The following KDM6A variants were observed in gnomAD, a reference collection of about 807,000 sequenced individuals.
KDM6A encodes the protein lysine demethylase 6A.
In KDM6A, 11 loss-of-function variants were observed where a neutral mutation model predicts 117.6. The ratio of observed to expected loss-of-function variants is 0.09; its 90% CI spans 0.06 to 0.15. The LOEUF (loss-of-function observed/expected upper bound fraction) is 0.15. Among genes scored for constraint, KDM6A ranks in the 10% least tolerant of loss-of-function variants. The probability of loss-of-function intolerance (pLI) is 1.00; values close to 1 mark genes in which losing one functional copy is unlikely to be tolerated. For missense variants in KDM6A, 799 were observed against 1,077.3 expected, an observed-to-expected ratio of 0.74 and a Z score of 3.62; for synonymous variants, 384 against 396.1, an observed-to-expected ratio of 0.97 and a Z score of 0.36.
chrX:44,958,604 C>CTTTTTTTTTTTTTTTTTTTTTTTTTTTT lies in KDM6A; in HGVS notation c.226-2655_226-2654insTTTTTTTTTTTTTTTTTTTTTTTTTTTT, dbSNP rs34006049. 7.1e-5 allele frequency among the ~76,000 whole-genome samples: 4 copies of CTTTTTTTTTTTTTTTTTTTTTTTTTTTT among 56,453 alleles called. 1 individual carries two copies. The highest frequency in any genetic ancestry group is 4.1e-4 in the African/African-American group (4 of 9,857). The allele number at this position is 56,453 out of a possible 115,157, so 49.0% of individuals were successfully genotyped here. A position where few individuals can be genotyped will look rare whatever the true frequency, so the allele number is the denominator to read the frequency against. On this transcript the variant is annotated intron_variant, in intron 2 of 29. Coordinates refer to ENST00000611820, the MANE Select transcript of KDM6A (RefSeq NM_001291415.2). ...TTCTGTGTGGGACAACTATATAGAC[C>CTTTTTTTTTTTTTTTTTTTTTTTTTTTT]TTTTTTTTTTTTTTTTTTTTTTTTT...
intron 2 of KDM6A, among the ~76,000 whole-genome samples, chrX:44,886,284 G>A (rs192672361): frequency 9.1e-6 from 1 of 110,436 alleles, no homozygotes; most frequent in East Asian, 2.9e-4. Flanking sequence ...CCCTGACCTT[G>A]TGATCCGCCC....
At chrX:44,994,678 T>G (rs1187179307) in intron 4 of KDM6A, among the ~76,000 whole-genome samples, 1 of 111,556 alleles carries the variant, frequency 9.0e-6, no homozygotes, top group African/African-American at 3.3e-5. Context: ...TATAGAAGGG[T>G]GCACCCTTAC....
intron 4 of KDM6A, among the ~76,000 whole-genome samples, chrX:44,976,656 G>A (rs1034322646): frequency 5.4e-5 from 6 of 110,922 alleles, no homozygotes; most frequent in Non-Finnish European, 9.4e-5. Context: ...CTGCAGATGC[G>A]GAACCCATGG....
At chrX:44,976,148 C>T (rs769692268) in intron 4 of KDM6A, among the ~76,000 whole-genome samples, 1 of 111,945 alleles carries the variant, frequency 8.9e-6, no homozygotes, top group South Asian at 3.7e-4. Context: ...TCCTGCATCA[C>T]AGCCATCATC....
chrX:45,040,665 G>A (rs1405774343), intron 8 of KDM6A, among the ~76,000 whole-genome samples: 1 of 83,378 alleles, frequency 1.2e-5, no homozygotes, highest in Non-Finnish European at 2.4e-5. Context: ...GGCTGGCCGG[G>A]CGGGGGGCTG....
At chrX:44,912,087 T>G (rs1444352239) in intron 2 of KDM6A, among the ~76,000 whole-genome samples, 11 of 108,071 alleles carry the variant, frequency 1.0e-4, no homozygotes, top group Admixed American at 5.9e-4. Context: ...TAAACTTTTT[T>G]TTTGTTTGTT....
intron 2 of KDM6A, among the ~76,000 whole-genome samples, chrX:44,876,092 G>T (rs1033289673): frequency 5.4e-5 from 6 of 111,410 alleles, no homozygotes; most frequent in African/African-American, 2.0e-4. Flanking sequence ...TTTGATGAAC[G>T]ATTAAGCAGT....
chrX:44,930,062 A>T (rs1463454593), intron 2 of KDM6A, among the ~76,000 whole-genome samples: 1 of 111,425 alleles, frequency 9.0e-6, no homozygotes, highest in East Asian at 2.8e-4. Flanking sequence ...CCCCTTGATG[A>T]TGAGTGGTTT....
chrX:44,985,004 G>A (rs758161202), intron 4 of KDM6A, among the ~76,000 whole-genome samples: 2,905 of 109,959 alleles, frequency 0.026, 96 homozygotes, highest in African/African-American at 0.092. Context: ...ACCTTGGGCA[G>A]TATGGCCATT....
chrX:45,089,658 A>T (rs1009464467), intron 25 of KDM6A, 85 bp from the exon 26 acceptor site: 15 of 675,906 alleles, frequency 2.2e-5, no homozygotes, highest in Non-Finnish European at 3.5e-5. Context: ...GTGTTTATTT[A>T]AAAAATTTGT....
At chrX:44,994,316 G>C (rs992895030) in intron 4 of KDM6A, among the ~76,000 whole-genome samples, 3 of 111,307 alleles carry the variant, frequency 2.7e-5, no homozygotes, top group Non-Finnish European at 3.8e-5. Context: ...GATATTCTTT[G>C]AGTTTGACTT....
chrX:45,032,572 C>G (rs920762303), intron 6 of KDM6A, among the ~76,000 whole-genome samples: 1 of 110,849 alleles, frequency 9.0e-6, no homozygotes, highest in Non-Finnish European at 1.9e-5. Context: ...TTTTGAAACG[C>G]ATTCTCATTT....
At chrX:44,956,904 C>T (rs981686995) in intron 2 of KDM6A, among the ~76,000 whole-genome samples, 5 of 110,180 alleles carry the variant, frequency 4.5e-5, no homozygotes, top group African/African-American at 1.6e-4. Context: ...CTGAGGCGGG[C>T]GGATCACTTG....
chrX:45,099,213 A>G (rs2046236452), intron 27 of KDM6A, among the ~76,000 whole-genome samples: 1 of 111,029 alleles, frequency 9.0e-6, no homozygotes, highest in South Asian at 3.8e-4. Context: ...AATACGATTT[A>G]CCATATCTAG....
intron 2 of KDM6A, among the ~76,000 whole-genome samples, chrX:44,896,650 T>G (rs1212485566): frequency 1.9e-5 from 2 of 105,295 alleles, no homozygotes; most frequent in Non-Finnish European, 3.9e-5. Context: ...TCAGACAGCT[T>G]CTTTAGCTGT....
At chrX:44,931,071 A>C (rs950465809) in intron 2 of KDM6A, among the ~76,000 whole-genome samples, 3 of 110,499 alleles carry the variant, frequency 2.7e-5, no homozygotes, top group Admixed American at 9.7e-5. Context: ...TCTCTATTCT[A>C]CTTTTTTTTT....
rs1602990156 is a variant in KDM6A at position 45,090,605 on chromosome X, A to T, written c.3893-118A>T. The T allele has an allele frequency of 1.8e-5, 13 of 727,295 alleles. No individual in the cohort carries two copies. In the East Asian group the frequency reaches 4.2e-4, roughly 23 times the overall value. 59.9% of individuals were successfully genotyped at this position (727,295 alleles called of 1,213,427 possible). A position where few individuals can be genotyped will look rare whatever the true frequency, so the allele number is the denominator to read the frequency against. On this transcript the variant is annotated intron_variant, in intron 26 of 29. Transcript: ENST00000611820. Reference sequence around the variant, plus strand: ...ATCATAAAGCATAAAAATTATTTTTATAGTGTTTTGAGGTTTTCAGAATTG... The same window carrying T: ...ATCATAAAGCATAAAAATTATTTTTTTAGTGTTTTGAGGTTTTCAGAATTG...
intron 6 of KDM6A, among the ~76,000 whole-genome samples, chrX:45,030,594 A>G (rs2042561408): frequency 9.1e-6 from 1 of 109,705 alleles, no homozygotes; most frequent in Non-Finnish European, 1.9e-5. Context: ...TAGAGACCAC[A>G]TTTTTAAAGT....
intron 2 of KDM6A, among the ~76,000 whole-genome samples, chrX:44,930,697 G>A (rs1162639882): frequency 8.9e-6 from 1 of 112,082 alleles, no homozygotes; most frequent in Admixed American, 9.5e-5. Flanking sequence ...TATTTTTAAA[G>A]TATTTTGGTT....
Sources: gnomAD v4.1 joint callset for allele counts (sites outside exome capture counted in the v4.1 genomes callset) on GRCh38, gnomAD v4.1.1 for gene constraint, MANE v1.5 for transcripts, NCBI Gene and HGNC (gene_info 2026-07-23, HGNC 2026-07-21) for gene names.